ZNF236: variants seen among roughly 807,000 people sequenced by gnomAD.
ZNF236 encodes regulated by glucose.
Under a neutral mutation model 191.2 loss-of-function variants are expected in ZNF236, and 50 were observed. The observed-to-expected ratio is 0.26, with a 90% CI of 0.21 to 0.33. The LOEUF (loss-of-function observed/expected upper bound fraction) is 0.33, where lower values mean the gene tolerates loss of function less well. ZNF236 is among the 10% of genes least tolerant of loss of function. The pLI, the probability that ZNF236 is intolerant of heterozygous loss-of-function variation, is 1.00. For missense variants in ZNF236, 1,754 were observed against 2,374.5 expected (o/e 0.74, Z 5.43); for synonymous variants, 907 against 928.8 (o/e 0.98, Z 0.43).
At chr18:76,863,402 C>T (rs140941945) in intron 3 of ZNF236, among the ~76,000 whole-genome samples, 27 of 152,076 alleles carry the variant, frequency 1.8e-4, no homozygotes, top group East Asian at 3.9e-4. Flanking sequence ...CATAATGAAA[C>T]GTTTGAAAAC....
At chr18:76,957,194 T>C (rs1968544929) in intron 28 of ZNF236, among the ~76,000 whole-genome samples, 1 of 152,156 alleles carries the variant, frequency 6.6e-6, no homozygotes, top group African/African-American at 2.4e-5. Flanking sequence ...TGTTGTCTTT[T>C]AATGAGTGTA....
intron 12 of ZNF236, 24 bp downstream of exon 12, chr18:76,904,545 GA>G: frequency 6.4e-7 from 1 of 1,555,390 alleles, no homozygotes; most frequent in Non-Finnish European, 8.7e-7. Context: ...TTCACAGATG[GA>G]AATTTAGTAT....
intron 28 of ZNF236, among the ~76,000 whole-genome samples, chr18:76,958,347 C>T (rs925689566): frequency 2.0e-5 from 3 of 152,254 alleles, no homozygotes; most frequent in East Asian, 1.9e-4. Flanking sequence ...TGCAGCTCGT[C>T]GGTATTTCTT....
At chr18:76,898,714 A>G (rs531437999) in intron 10 of ZNF236, among the ~76,000 whole-genome samples, 7 of 152,314 alleles carry the variant, frequency 4.6e-5, no homozygotes, top group African/African-American at 1.7e-4. Context: ...TAAGAGAGAG[A>G]GCATCCTTAC....
intron 1 of ZNF236, among the ~76,000 whole-genome samples, chr18:76,847,690 T>G (rs559186700): frequency 6.6e-6 from 1 of 152,112 alleles, no homozygotes; most frequent in African/African-American, 2.4e-5. Context: ...AGGATGGTCT[T>G]GATCTCCTGA....
At chr18:76,883,055 G>C (rs1180737961) in intron 9 of ZNF236, among the ~76,000 whole-genome samples, 1 of 152,150 alleles carries the variant, frequency 6.6e-6, no homozygotes, top group Non-Finnish European at 1.5e-5. Flanking sequence ...ACATAGCCAT[G>C]GTCCTTAGAC....
Position 76,970,185 on chromosome 18 carries a change from A to G in ZNF236, c.*1846A>G, listed in dbSNP as rs1005192817. On this transcript the variant is annotated 3_prime_UTR_variant, in exon 31 of 31. Coordinates refer to ENST00000320610, the MANE Select transcript of ZNF236 (RefSeq NM_001306089.2). Reference sequence around the variant, plus strand: ...GTGAAAAAATATCCCCAAAGTGGAAATTATTGGAATTTTAAACTTTTGTTC... The same window carrying G: ...GTGAAAAAATATCCCCAAAGTGGAAGTTATTGGAATTTTAAACTTTTGTTC... 3.3e-5 allele frequency: 5 copies of G among 152,786 alleles called. No individual in the cohort carries two copies. In the East Asian group the frequency reaches 7.7e-4, roughly 24 times the overall value. 9.5% of individuals were successfully genotyped at this position (152,786 alleles called of 1,614,324 possible).
At chr18:76,878,302 A>G (rs1976774034) in intron 7 of ZNF236, 150 bp downstream of exon 7, 3 of 694,816 alleles carry the variant, frequency 4.3e-6, no homozygotes, top group Non-Finnish European at 6.7e-6. Flanking sequence ...ATTAAAGTCA[A>G]TCTTTTAAAA....
Position 76,965,846 on chromosome 18 carries a change from T to C in ZNF236, c.5420-2369T>C, listed in dbSNP as rs1480535110. Among the ~76,000 whole-genome samples the C allele has an allele frequency of 2.0e-4, 30 of 152,122 alleles. 1 individual carries two copies. On this transcript the variant is annotated intron_variant, in intron 30 of 30. Coordinates refer to ENST00000320610, the MANE Select transcript of ZNF236 (RefSeq NM_001306089.2). The stretch of plus-strand genomic sequence containing the variant: ...TAGCTTTGGTGGTTTAATGCTCTAT[T>C]TTTGTGCTGGTTGGCCTCCTGCCGG...
intron 9 of ZNF236, among the ~76,000 whole-genome samples, chr18:76,891,842 C>A (rs190031474): frequency 8.9e-4 from 136 of 152,072 alleles, no homozygotes; most frequent in African/African-American, 3.0e-3. Flanking sequence ...CTGGACTGTT[C>A]TACTCCTCTA....
Position 76,925,105 on chromosome 18 carries a change from C to A in ZNF236, c.3662-84C>A. 1 of 1,537,408 alleles carries A rather than the reference C, an allele frequency of 6.5e-7. No homozygotes were observed. Among genetic ancestry groups the A allele is most frequent in the South Asian group, 1.3e-5 (1 of 78,716 alleles). ...TCCATCCACTGATTCAACATATTTA[C>A]ATCCATAGTGACAGCTGAGTGGGGT... On this transcript the variant is annotated intron_variant, in intron 21 of 30. Transcript: ENST00000320610. The surrounding 1 kb of genome is among the most constrained non-coding windows in gnomAD (Gnocchi z 5.7).
At chr18:76,961,649 A>G (rs906510897) in intron 30 of ZNF236, among the ~76,000 whole-genome samples, 7 of 152,190 alleles carry the variant, frequency 4.6e-5, no homozygotes, top group Non-Finnish European at 1.0e-4. Context: ...ACTGTTTTCC[A>G]TAGTGGCTGT....
chr18:76,967,639 A>T (rs1788706), intron 30 of ZNF236, among the ~76,000 whole-genome samples: 5 of 20,766 alleles, frequency 2.4e-4, no homozygotes, highest in Admixed American at 6.0e-4. Context: ...TTGTTGTTGG[A>T]GGTGGTGTGA....
At chr18:76,826,796 T>G (rs1319003422) in intron 1 of ZNF236, among the ~76,000 whole-genome samples, 1 of 139,998 alleles carries the variant, frequency 7.1e-6, no homozygotes, top group Non-Finnish European at 1.6e-5. Flanking sequence ...GGAGACTCAG[T>G]CTCAAAAAAA....
chr18:76,869,905 G>A (rs1449485221), intron 4 of ZNF236, among the ~76,000 whole-genome samples: 1 of 152,128 alleles, frequency 6.6e-6, no homozygotes, highest in African/African-American at 2.4e-5. Context: ...GCAGTGAGCC[G>A]AGATCGTGCC....
At chr18:76,954,037 A>G (rs755584398) in intron 27 of ZNF236, among the ~76,000 whole-genome samples, 2 of 151,862 alleles carry the variant, frequency 1.3e-5, no homozygotes, top group Non-Finnish European at 1.5e-5. Context: ...ATCATCTCAC[A>G]CTCATTCTGT....
chr18:76,832,167 C>T (rs1210883811), intron 1 of ZNF236, among the ~76,000 whole-genome samples: 42 of 152,190 alleles, frequency 2.8e-4, no homozygotes, highest in Non-Finnish European at 2.9e-5. Flanking sequence ...GCAACATCTG[C>T]TTCCTGGGTT....
At position 76,970,794 on chromosome 18, in the gene ZNF236, G is replaced by A. The variant is rs148548959; in HGVS notation, c.*2455G>A. 6.6e-6 allele frequency: 1 copy of A among 152,350 alleles called. No individual in the cohort carries two copies. The highest frequency in any genetic ancestry group is 1.9e-4 in the East Asian group (1 of 5,192). 9.4% of individuals were successfully genotyped at this position (152,350 alleles called of 1,614,324 possible). A position where few individuals can be genotyped will look rare whatever the true frequency, so the allele number is the denominator to read the frequency against. On this transcript the variant is annotated 3_prime_UTR_variant, in exon 31 of 31. Coordinates refer to ENST00000320610, the MANE Select transcript of ZNF236 (RefSeq NM_001306089.2). ...AGTTTGGCATGTAAATTAATTTCAA[G>A]TTCAGATATTTTTAAGAGAAAACTT...
intron 9 of ZNF236, among the ~76,000 whole-genome samples, chr18:76,883,544 C>A (rs1976960495): frequency 6.6e-6 from 1 of 152,046 alleles, no homozygotes; most frequent in African/African-American, 2.4e-5. Context: ...CTCCCTCGAC[C>A]TCCTGAGTAG....
Sources: gnomAD v4.1 joint callset for allele counts (sites outside exome capture counted in the v4.1 genomes callset) on GRCh38, gnomAD v4.1.1 for gene constraint, Gnocchi (gnomAD v3.1) non-coding constraint, MANE v1.5 for transcripts, NCBI Gene and HGNC (gene_info 2026-07-23, HGNC 2026-07-21) for gene names.